Variants in DLG1 observed in about 807,000 individuals in gnomAD.
DLG1 encodes the protein disks large homolog 1.
DLG1 carries 42 observed loss-of-function variants against 123.4 expected under a neutral mutation model. The ratio of observed to expected loss-of-function variants is 0.34; its 90% confidence interval spans 0.27 to 0.44. The LOEUF is 0.44. Ranked by LOEUF, DLG1 falls within the 20% of genes least tolerant of loss-of-function variation. The pLI, the probability that DLG1 is intolerant of heterozygous loss-of-function variation, is 1.00. For synonymous variants in DLG1, 317 were observed against 356.2 expected, an observed-to-expected ratio of 0.89 and a Z score of 1.24; for missense variants, 942 against 1,082.6, an observed-to-expected ratio of 0.87 and a Z score of 1.82.
chr3:197,198,203 A>G (rs1285000139), intron 4 of DLG1, among the ~76,000 whole-genome samples: 1 of 152,208 alleles, frequency 6.6e-6, no homozygotes, highest in East Asian at 1.9e-4. Flanking sequence ...AAGATGACCC[A>G]AAGGGGCCAG....
intron 11 of DLG1, among the ~76,000 whole-genome samples, chr3:197,121,303 C>A (rs2149449250): frequency 6.6e-6 from 1 of 152,128 alleles, no homozygotes; most frequent in South Asian, 2.1e-4. Flanking sequence ...TACCCCAAAT[C>A]TTATGTAAAA....
At chr3:197,288,147 G>C (rs565032895) in intron 3 of DLG1, among the ~76,000 whole-genome samples, 11 of 151,848 alleles carry the variant, frequency 7.2e-5, no homozygotes, top group African/African-American at 2.4e-4. Flanking sequence ...AGGCAGATCA[G>C]GAGGTCAAGA....
intron 4 of DLG1, among the ~76,000 whole-genome samples, chr3:197,207,442 T>C (rs1314197881): frequency 6.7e-6 from 1 of 149,684 alleles, no homozygotes; most frequent in African/African-American, 2.5e-5. Flanking sequence ...CCTAAGTTTA[T>C]CTATACTTTT....
intron 4 of DLG1, among the ~76,000 whole-genome samples, chr3:197,243,535 G>C (rs1283509265): frequency 1.3e-5 from 2 of 152,096 alleles, no homozygotes; most frequent in Non-Finnish European, 2.9e-5. Flanking sequence ...AAGGGCTGTT[G>C]TAATAAGTCT....
intron 15 of DLG1, among the ~76,000 whole-genome samples, chr3:197,089,024 G>A (rs1160939402): frequency 1.3e-5 from 2 of 152,172 alleles, no homozygotes; most frequent in African/African-American, 2.4e-5. Context: ...TACCATGGTT[G>A]TAAGACTAAT....
chr3:197,187,209 T>C (rs1716605958), intron 5 of DLG1, among the ~76,000 whole-genome samples: 1 of 152,162 alleles, frequency 6.6e-6, no homozygotes, highest in African/African-American at 2.4e-5. Flanking sequence ...CACCTTAGTA[T>C]ACCAGGTCCA....
At position 197,297,321 on chromosome 3, in the gene DLG1, C is replaced by T. The variant is rs531220416; in HGVS notation, c.-31-86G>A. 2.1e-5 allele frequency: 32 copies of T among 1,542,584 alleles called. 1 individual carries two copies. The South Asian group carries it at 3.7e-4, about 18-fold the overall frequency. The stretch of plus-strand genomic sequence containing the variant: ...TATCGAAATAGAAAACCCTCGCAGC[C>T]TATTTGAAAACCCCACGTTCCAAAG... On this transcript the variant is annotated intron_variant, in intron 1 of 24. Transcript: ENST00000667157.
chr3:197,075,638 T>A (rs1158982840), intron 18 of DLG1, among the ~76,000 whole-genome samples: 1 of 152,104 alleles, frequency 6.6e-6, no homozygotes, highest in Non-Finnish European at 1.5e-5. Flanking sequence ...AAATGACATG[T>A]GAAAAATAAA....
At chr3:197,079,968 T>C (rs1749811985) in intron 17 of DLG1, among the ~76,000 whole-genome samples, 2 of 151,930 alleles carry the variant, frequency 1.3e-5, no homozygotes, top group African/African-American at 4.8e-5. Context: ...ATTTCAAATA[T>C]TATCAGAAGA....
chr3:197,277,174 G>A (rs1766858498), intron 4 of DLG1, among the ~76,000 whole-genome samples: 2 of 151,024 alleles, frequency 1.3e-5, no homozygotes, highest in African/African-American at 2.4e-5. Context: ...TTACAGGCAT[G>A]AGCCACTGCG....
At chr3:197,295,134 G>C (rs983917233) in intron 3 of DLG1, among the ~76,000 whole-genome samples, 2 of 152,158 alleles carry the variant, frequency 1.3e-5, no homozygotes, top group African/African-American at 2.4e-5. Context: ...GGCAAAATGT[G>C]AATTTCTGGA....
Position 197,044,424 on chromosome 3 carries a change from A to G in DLG1, c.*199T>C, listed in dbSNP as rs45453796. On this transcript the variant is annotated 3_prime_UTR_variant, in exon 25 of 25. Coordinates refer to ENST00000667157, the MANE Select transcript of DLG1 (RefSeq NM_001366207.1). ...CCATCTTCAGTTCTGAAAAATGGCC[A>G]CTAACCAATAGTGACATTAAATAAT... 21 of 393,358 alleles carry G rather than the reference A, an allele frequency of 5.3e-5. No individual in the cohort carries two copies. Among genetic ancestry groups the G allele is most frequent in the Middle Eastern group, 9.0e-4 (2 of 2,210 alleles). 24.4% of individuals were successfully genotyped at this position (393,358 alleles called of 1,614,324 possible). A position where few individuals can be genotyped will look rare whatever the true frequency, so the allele number is the denominator to read the frequency against.
At chr3:197,054,020 A>G (rs910202797) in intron 23 of DLG1, among the ~76,000 whole-genome samples, 36 of 149,774 alleles carry the variant, frequency 2.4e-4, no homozygotes, top group Non-Finnish European at 4.6e-4. Context: ...GAGCCCAGGA[A>G]GTTAAGACAG....
intron 4 of DLG1, among the ~76,000 whole-genome samples, chr3:197,212,594 T>G (rs1731840534): frequency 6.6e-6 from 1 of 152,252 alleles, no homozygotes; most frequent in Admixed American, 6.5e-5. Flanking sequence ...GATCTCTGCC[T>G]TCATCTTCAC....
intron 20 of DLG1, among the ~76,000 whole-genome samples, chr3:197,066,103 T>C (rs974306681): frequency 5.9e-5 from 9 of 152,230 alleles, no homozygotes; most frequent in African/African-American, 1.7e-4. Flanking sequence ...TAAAGTCTAG[T>C]GTTTTACAGA....
At chr3:197,229,448 G>A (rs1578372491) in intron 4 of DLG1, among the ~76,000 whole-genome samples, 1 of 113,588 alleles carries the variant, frequency 8.8e-6, no homozygotes, top group Non-Finnish European at 1.8e-5. Flanking sequence ...GTGACAGCCT[G>A]TCTCTTAAAA....
chr3:197,190,752 T>A (rs1577821019), intron 5 of DLG1, among the ~76,000 whole-genome samples: 1 of 152,206 alleles, frequency 6.6e-6, no homozygotes. Context: ...GGCTCCCGCC[T>A]GTAATCCCAG....
intron 4 of DLG1, among the ~76,000 whole-genome samples, chr3:197,276,979 C>G (rs987794927): frequency 6.7e-6 from 1 of 149,654 alleles, no homozygotes; most frequent in Non-Finnish European, 1.5e-5. Context: ...CCAGCCTTGA[C>G]CTCCAGGACT....
chr3:197,266,163 C>G (rs1293914629), intron 4 of DLG1, among the ~76,000 whole-genome samples: 2 of 151,968 alleles, frequency 1.3e-5, no homozygotes, highest in African/African-American at 2.4e-5. Flanking sequence ...TCTAGGCCCC[C>G]AAAAGGTAAA....
Sources: gnomAD v4.1 joint callset for allele counts (sites outside exome capture counted in the v4.1 genomes callset) on GRCh38, gnomAD v4.1.1 for gene constraint, MANE v1.5 for transcripts, NCBI Gene and HGNC (gene_info 2026-07-23, HGNC 2026-07-21) for gene names.